The following PARD3B variants were observed in gnomAD, a reference collection of about 807,000 sequenced individuals.
PARD3B encodes the protein par-3 family cell polarity regulator beta.
A neutral mutation model predicts 130.2 loss-of-function variants in PARD3B; 103 were observed. That is an observed-to-expected ratio of 0.79 (90% CI 0.67 to 0.93). The LOEUF is 0.93. Among genes scored for constraint, PARD3B ranks in the 40% least tolerant of loss-of-function variants. PARD3B has a pLI of 0.00. For missense variants in PARD3B, 1,609 were observed against 1,499.2 expected, an observed-to-expected ratio of 1.07 and a Z score of -1.21; for synonymous variants, 583 against 553.2, an observed-to-expected ratio of 1.05 and a Z score of -0.76.
intron 22 of PARD3B, among the ~76,000 whole-genome samples, chr2:205,556,598 T>C (rs2052895889): frequency 6.6e-6 from 1 of 152,230 alleles, no homozygotes; most frequent in African/African-American, 2.4e-5. Flanking sequence ...TAAGCAATGT[T>C]AAATCTCCTG....
intron 22 of PARD3B, among the ~76,000 whole-genome samples, chr2:205,611,601 G>C (rs1038448953): frequency 6.6e-6 from 1 of 152,078 alleles, no homozygotes; most frequent in Non-Finnish European, 1.5e-5. Flanking sequence ...GCCTGAGATA[G>C]TTCCTATCAG....
At chr2:205,491,913 G>A (rs931809589) in intron 20 of PARD3B, among the ~76,000 whole-genome samples, 2 of 152,144 alleles carry the variant, frequency 1.3e-5, no homozygotes, top group Non-Finnish European at 2.9e-5. Flanking sequence ...CAGGATGGCT[G>A]GGGGGAGGAC....
intron 18 of PARD3B, among the ~76,000 whole-genome samples, chr2:205,380,355 A>AAGAATATATATTATATAT (rs2045298512): frequency 4.1e-5 from 1 of 24,508 alleles, no homozygotes; most frequent in African/African-American, 1.9e-4. Flanking sequence ...ATAATATATA[A>AAGAATATATATTATATAT]TATATAAAGA....
At chr2:205,520,397 T>A (rs1422610666) in intron 21 of PARD3B, among the ~76,000 whole-genome samples, 1 of 152,160 alleles carries the variant, frequency 6.6e-6, no homozygotes, top group Non-Finnish European at 1.5e-5. Context: ...TTCATCAGTC[T>A]AAGGGTAGCA....
intron 18 of PARD3B, among the ~76,000 whole-genome samples, chr2:205,350,223 A>G (rs1466595889): frequency 2.0e-5 from 3 of 152,196 alleles, no homozygotes; most frequent in Non-Finnish European, 4.4e-5. Context: ...AGAGCCTCTC[A>G]GGTATATGTA....
rs747249162 is a variant in PARD3B, at chr2:205,300,563, G to A, written c.2219G>A (p.Gly740Asp). The stretch of plus-strand genomic sequence containing the variant: ...AGCAAAGATTTTGGTCCAACTCTGG[G>A]TTTGAAAAAGTCCAGCTCCTTGGAG... ...SPSKDFGPTL[G>D]LKKSSSLESL... is the part of the protein sequence containing the mutation. Residue 740 changes from glycine to aspartate, a missense_variant, in exon 17 of 23, where the codon GGT becomes GAT. By Grantham distance (94) the Gly-to-Asp change is moderately conservative (BLOSUM62 -1). Transcript: ENST00000406610. The surrounding 1 kb of genome is among the most constrained non-coding windows in gnomAD (Gnocchi z 4.1). 5.0e-5 allele frequency: 81 copies of A among 1,613,662 alleles called. No individual in the cohort carries two copies. Among genetic ancestry groups the A allele is most frequent in the Non-Finnish European group, 6.7e-5 (79 of 1,179,982 alleles).
intron 1 of PARD3B, among the ~76,000 whole-genome samples, chr2:204,552,935 A>T (rs1317379821): frequency 6.6e-6 from 1 of 152,178 alleles, no homozygotes; most frequent in African/African-American, 2.4e-5. Flanking sequence ...GAGCTTTTCC[A>T]TGGCAAAAGG....
chr2:205,095,735 C>T (rs1181676840), intron 4 of PARD3B, among the ~76,000 whole-genome samples: 1 of 152,066 alleles, frequency 6.6e-6, no homozygotes, highest in Non-Finnish European at 1.5e-5. Flanking sequence ...AACTTTTACA[C>T]ATTTCTACCA....
intron 4 of PARD3B, among the ~76,000 whole-genome samples, chr2:205,057,964 G>T (rs774167662): frequency 2.6e-5 from 4 of 151,378 alleles, no homozygotes; most frequent in Admixed American, 6.6e-5. Flanking sequence ...TAGTTCCATG[G>T]TATAAGTACA....
In PARD3B at chr2:205,263,579, T is replaced by C. The variant is rs139485219; in HGVS notation, c.2185+17757T>C. ...CACCATATAAGAAGCTAATCTGACATGGTTCACAGATCTTAAATGTGAGCA... is the reference window on the plus strand; with the variant it reads ...CACCATATAAGAAGCTAATCTGACACGGTTCACAGATCTTAAATGTGAGCA... On this transcript the variant is annotated intron_variant, in intron 16 of 22. Coordinates refer to ENST00000406610, the MANE Select transcript of PARD3B (RefSeq NM_001302769.2). The surrounding 1 kb of genome is among the most constrained non-coding windows in gnomAD (Gnocchi z 4.0). 4.6e-3 allele frequency among the ~76,000 whole-genome samples: 698 copies of C among 151,214 alleles called. 29 individuals are homozygous for C. Among genetic ancestry groups the C allele is most frequent in the Non-Finnish European group, 5.4e-3 (365 of 67,616 alleles).
intron 3 of PARD3B, among the ~76,000 whole-genome samples, chr2:205,035,109 C>G (rs543385038): frequency 6.6e-6 from 1 of 152,110 alleles, no homozygotes. Context: ...GTGATCCCCC[C>G]CCCTCAGCCT....
intron 1 of PARD3B, among the ~76,000 whole-genome samples, chr2:204,648,407 G>C (rs564259847): frequency 6.7e-6 from 1 of 149,952 alleles, no homozygotes; most frequent in South Asian, 2.1e-4. Context: ...GTTGTTTCCA[G>C]TTTTTTTGCC....
At chr2:205,349,520 A>G (rs577439740) in intron 18 of PARD3B, among the ~76,000 whole-genome samples, 299 of 152,322 alleles carry the variant, frequency 2.0e-3, no homozygotes, top group African/African-American at 6.9e-3. Flanking sequence ...TCCTAGCATG[A>G]TGCAAACATC....
rs1177640450 is a variant in PARD3B at position 205,244,140 on chromosome 2, TAAAG to T, written c.2141-1634_2141-1631del. ...ATATGTAGTGCTTTTATCTAGAAAA[TAAAG>T]AAATAGCTTAGAAAAGGAGGGCTAG... On this transcript the variant is annotated intron_variant, in intron 15 of 22. Coordinates refer to ENST00000406610, the MANE Select transcript of PARD3B (RefSeq NM_001302769.2). This position sits in a 1 kb window ranked among gnomAD's most constrained non-coding sequence, Gnocchi z 4.7. Among the ~76,000 whole-genome samples the T allele has an allele frequency of 6.6e-6, 1 of 151,988 alleles. No individual in the cohort carries two copies. Among genetic ancestry groups the T allele is most frequent in the Non-Finnish European group, 1.5e-5 (1 of 67,964 alleles).
At position 205,405,002 on chromosome 2, in the gene PARD3B, A is replaced by AT. The variant is rs1021339762; in HGVS notation, c.2741+3886dup. Among the ~76,000 whole-genome samples the AT allele has an allele frequency of 1.3e-5, 2 of 152,014 alleles. No homozygotes were observed. Among genetic ancestry groups the AT allele is most frequent in the Admixed American group, 6.6e-5 (1 of 15,250 alleles). On this transcript the variant is annotated intron_variant, in intron 19 of 22. Coordinates refer to ENST00000406610, the MANE Select transcript of PARD3B (RefSeq NM_001302769.2). This position sits in a 1 kb window ranked among gnomAD's most constrained non-coding sequence, Gnocchi z 4.1. ...TATATTCTCTCTCCCCATTCATCTAATTTTTTTGTGCTGATTTTCATATCT... is the reference window on the plus strand; with the variant it reads ...TATATTCTCTCTCCCCATTCATCTAATTTTTTTTGTGCTGATTTTCATATCT...
chr2:204,701,770 G>A (rs996488290), intron 2 of PARD3B, among the ~76,000 whole-genome samples: 2 of 151,874 alleles, frequency 1.3e-5, no homozygotes, highest in Non-Finnish European at 2.9e-5. Flanking sequence ...GCTTCAGGGG[G>A]TACATGTACG....
chr2:205,247,116 T>C (rs978373239), intron 16 of PARD3B, among the ~76,000 whole-genome samples: 4 of 152,178 alleles, frequency 2.6e-5, no homozygotes, highest in African/African-American at 9.7e-5. Context: ...TTCTTAGTAC[T>C]GGGATAGGCT....
chr2:204,863,969 C>T (rs916278081), intron 2 of PARD3B, among the ~76,000 whole-genome samples: 3 of 151,570 alleles, frequency 2.0e-5, no homozygotes, highest in African/African-American at 7.3e-5. Flanking sequence ...TTTATAATTC[C>T]AAAAAAAAGT....
intron 21 of PARD3B, among the ~76,000 whole-genome samples, chr2:205,503,171 T>G (rs1374317658): frequency 1.3e-5 from 2 of 152,114 alleles, no homozygotes; most frequent in Non-Finnish European, 2.9e-5. Flanking sequence ...TGACATTACT[T>G]CCACCTTGGA....
Sources: gnomAD v4.1 joint callset for allele counts (sites outside exome capture counted in the v4.1 genomes callset) on GRCh38, gnomAD v4.1.1 for gene constraint, Gnocchi (gnomAD v3.1) non-coding constraint, MANE v1.5 for transcripts, NCBI Gene and HGNC (gene_info 2026-07-23, HGNC 2026-07-21) for gene names.